The following BCKDHB variants were observed in gnomAD, a reference collection of about 807,000 sequenced individuals.
BCKDHB encodes the protein branched chain keto acid dehydrogenase E1 subunit beta, also known as 2-oxoisovalerate dehydrogenase subunit beta, mitochondrial.
Under a neutral mutation model 48.5 loss-of-function variants are expected in BCKDHB, and 41 were observed. That is an observed-to-expected ratio of 0.85 (90% confidence interval 0.66 to 1.10). The LOEUF is 1.10. BCKDHB is among the 50% of genes least tolerant of loss of function. BCKDHB has a pLI of 0.00. For missense variants in BCKDHB, 496 were observed against 494.2 expected, an observed-to-expected ratio of 1.00 and a Z score of -0.03; for synonymous variants, 201 against 174.8, an observed-to-expected ratio of 1.15 and a Z score of -1.18.
intron 9 of BCKDHB, among the ~76,000 whole-genome samples, chr6:80,327,878 T>TC (rs1323240059): frequency 6.6e-6 from 1 of 151,504 alleles, no homozygotes; most frequent in East Asian, 1.9e-4. Context: ...TTCTCTTTTT[T>TC]CCCTCCCCTT....
intron 3 of BCKDHB, among the ~76,000 whole-genome samples, chr6:80,166,684 A>G (rs1416354130): frequency 6.6e-6 from 1 of 152,014 alleles, no homozygotes; most frequent in Non-Finnish European, 1.5e-5. Context: ...TAACATAAGA[A>G]TTTTTTGAAT....
At chr6:80,152,933 G>A (rs1771862315) in intron 3 of BCKDHB, among the ~76,000 whole-genome samples, 1 of 150,988 alleles carries the variant, frequency 6.6e-6, no homozygotes, top group Admixed American at 6.6e-5. Flanking sequence ...GTGGAGGCTT[G>A]CTTGAAAAGA....
At chr6:80,271,931 G>T (rs556000586) in intron 8 of BCKDHB, among the ~76,000 whole-genome samples, 48 of 151,414 alleles carry the variant, frequency 3.2e-4, no homozygotes, top group African/African-American at 1.1e-3. Flanking sequence ...TTTTGTGATT[G>T]TGGAATATTT....
At chr6:80,106,611 A>G (rs1769059330), upstream of BCKDHB, 8 of 1,469,748 alleles carry the variant, frequency 5.4e-6, no homozygotes, top group Admixed American at 1.6e-4. Flanking sequence ...GGCCCGACCA[A>G]TGTGGAAGCC....
intron 1 of BCKDHB, among the ~76,000 whole-genome samples, chr6:80,123,652 T>C (rs1031067625): frequency 1.3e-5 from 2 of 152,262 alleles, no homozygotes; most frequent in African/African-American, 4.8e-5. Flanking sequence ...TTTATCCATT[T>C]CTTCTAGATT....
chr6:80,232,066 C>T (rs953453761), intron 8 of BCKDHB, among the ~76,000 whole-genome samples: 10 of 152,172 alleles, frequency 6.6e-5, no homozygotes, highest in Non-Finnish European at 1.2e-4. Flanking sequence ...TTCAACTTAG[C>T]GTCATTACAG....
intron 3 of BCKDHB, chr6:80,135,986 T>C (rs1770864780): frequency 6.6e-6 from 1 of 152,198 alleles, no homozygotes; most frequent in African/African-American, 2.4e-5. Flanking sequence ...TGTTTCAGCA[T>C]GTGTCAAAGT....
chr6:80,338,727 T>C (rs1309957823), intron 9 of BCKDHB, among the ~76,000 whole-genome samples: 1 of 152,172 alleles, frequency 6.6e-6, no homozygotes, highest in East Asian at 1.9e-4. Context: ...TTCCTTTAAC[T>C]TGTAAAATCT....
chr6:80,200,063 C>CAAAA (rs55737130), intron 6 of BCKDHB, among the ~76,000 whole-genome samples: 3 of 32,766 alleles, frequency 9.2e-5, no homozygotes, highest in South Asian at 1.4e-3. Flanking sequence ...GACCCTGTCT[C>CAAAA]AAAAAAAAAA....
At chr6:80,167,616 T>G in intron 3 of BCKDHB, 62 bp from the exon 4 acceptor site, 2 of 1,472,590 alleles carry the variant, frequency 1.4e-6, no homozygotes, top group Non-Finnish European at 1.9e-6. Context: ...AATTTTTAAA[T>G]GTATTATGCA....
intron 6 of BCKDHB, among the ~76,000 whole-genome samples, chr6:80,200,485 T>C (rs1774339120): frequency 6.6e-6 from 1 of 152,216 alleles, no homozygotes; most frequent in Non-Finnish European, 1.5e-5. Context: ...AATAAAGTTT[T>C]ATCACATGTA....
Position 80,273,077 on chromosome 6 carries a change from C to G in BCKDHB, c.952-58C>G. ...ACTTTTATTACTGATTTAAAACTAC[C>G]ATCATATATATAAAATAGATATTCT... On this transcript the variant is annotated intron_variant, in intron 8 of 9. Coordinates refer to ENST00000320393, the MANE Select transcript of BCKDHB (RefSeq NM_183050.4). The G allele has an allele frequency of 3.9e-6, 5 of 1,274,060 alleles. No homozygotes were observed. In the South Asian group the frequency reaches 6.2e-5, roughly 16 times the overall value. 78.9% of individuals were successfully genotyped at this position (1,274,060 alleles called of 1,614,324 possible). A position where few individuals can be genotyped will look rare whatever the true frequency, so the allele number is the denominator to read the frequency against.
intron 9 of BCKDHB, among the ~76,000 whole-genome samples, chr6:80,340,484 G>A (rs1004720858): frequency 2.6e-5 from 4 of 152,106 alleles, no homozygotes; most frequent in South Asian, 2.1e-4. Flanking sequence ...GACCATAAAC[G>A]AACACTCCCC....
At chr6:80,264,182 G>A (rs1777418119) in intron 8 of BCKDHB, among the ~76,000 whole-genome samples, 1 of 152,106 alleles carries the variant, frequency 6.6e-6, no homozygotes, top group Non-Finnish European at 1.5e-5. Context: ...CTTTGCCCTA[G>A]GGCATTGTGG....
intron 8 of BCKDHB, among the ~76,000 whole-genome samples, chr6:80,224,711 A>AT (rs1200451444): frequency 6.6e-6 from 1 of 152,028 alleles, no homozygotes; most frequent in Non-Finnish European, 1.5e-5. Context: ...CCAAAAAGAT[A>AT]TTTTCTTCCT....
chr6:80,164,296 T>C (rs1772467117), intron 3 of BCKDHB, among the ~76,000 whole-genome samples: 1 of 152,140 alleles, frequency 6.6e-6, no homozygotes, highest in Non-Finnish European at 1.5e-5. Flanking sequence ...TCCTCTGATA[T>C]ATTAAACATT....
chr6:80,164,231 A>G (rs1772462745), intron 3 of BCKDHB, among the ~76,000 whole-genome samples: 1 of 152,070 alleles, frequency 6.6e-6, no homozygotes, highest in Non-Finnish European at 1.5e-5. Context: ...CCTTGACTTT[A>G]TCTCCTACTA....
chr6:80,326,230 T>G (rs962863327), intron 9 of BCKDHB, among the ~76,000 whole-genome samples: 1 of 152,148 alleles, frequency 6.6e-6, no homozygotes, highest in Admixed American at 6.5e-5. Flanking sequence ...GGGATACATT[T>G]TTCAGGAAAG....
chr6:80,296,129 G>C (rs896524362), intron 9 of BCKDHB, among the ~76,000 whole-genome samples: 1 of 152,074 alleles, frequency 6.6e-6, no homozygotes, highest in African/African-American at 2.4e-5. Flanking sequence ...CATTTCACCT[G>C]TCTATGAGAG....
Sources: gnomAD v4.1 joint callset for allele counts (sites outside exome capture counted in the v4.1 genomes callset) on GRCh38, gnomAD v4.1.1 for gene constraint, MANE v1.5 for transcripts, NCBI Gene and HGNC (gene_info 2026-07-23, HGNC 2026-07-21) for gene names.